The following PRKG1 variants were observed in gnomAD, a reference collection of about 807,000 sequenced individuals.
PRKG1 encodes the protein protein kinase cGMP-dependent 1.
Under a neutral mutation model 88.1 loss-of-function variants are expected in PRKG1, and 35 were observed. The observed-to-expected ratio is 0.40, with a 90% CI of 0.30 to 0.53. The LOEUF (loss-of-function observed/expected upper bound fraction) is 0.53, where lower values mean the gene tolerates loss of function less well. Among genes scored for constraint, PRKG1 ranks in the 20% least tolerant of loss-of-function variants. The probability of loss-of-function intolerance (pLI) is 0.59; values close to 1 mark genes in which losing one functional copy is unlikely to be tolerated. For synonymous variants in PRKG1, 303 were observed against 292.5 expected, an observed-to-expected ratio of 1.04 and a Z score of -0.37; for missense variants, 540 against 839.8, an observed-to-expected ratio of 0.64 and a Z score of 4.41.
At chr10:51,406,652 G>C (rs1205152151) in intron 2 of PRKG1, among the ~76,000 whole-genome samples, 1 of 144,088 alleles carries the variant, frequency 6.9e-6, no homozygotes, top group African/African-American at 2.6e-5. Flanking sequence ...AGACCCTTCT[G>C]TTTTTATATA....
intron 7 of PRKG1, among the ~76,000 whole-genome samples, chr10:52,119,672 T>A (rs1301943272): frequency 1.3e-5 from 2 of 152,214 alleles, no homozygotes; most frequent in East Asian, 3.8e-4. Context: ...CTTTACTCTC[T>A]AAAGTACTCA....
chr10:51,429,963 ATAGTTATAAACTTCATAAAT>A (rs1838710440), intron 2 of PRKG1, among the ~76,000 whole-genome samples: 2 of 152,240 alleles, frequency 1.3e-5, no homozygotes, highest in African/African-American at 2.4e-5. Context: ...TTTGAACTAA[ATAGTTATAAACTTCATAAAT>A]TAGATAAAAG....
intron 3 of PRKG1, among the ~76,000 whole-genome samples, chr10:51,667,726 C>A (rs1472199972): frequency 6.6e-6 from 1 of 152,090 alleles, no homozygotes; most frequent in Non-Finnish European, 1.5e-5. Context: ...ATTTATTTGT[C>A]TCTTCTGTAT....
In PRKG1 at chr10:52,017,604, A is replaced by G. The variant is rs1279526762; in HGVS notation, c.763-36880A>G. On this transcript the variant is annotated intron_variant, in intron 5 of 17. Transcript: ENST00000373980. ...AGGGGAAGATAGGAGCAGAAGTAGAATTTGATGGGATATAGATAAAAAGTT... is the reference window on the plus strand; with the variant it reads ...AGGGGAAGATAGGAGCAGAAGTAGAGTTTGATGGGATATAGATAAAAAGTT... Among the ~76,000 whole-genome samples, 5 of 152,122 alleles carry G rather than the reference A, an allele frequency of 3.3e-5. No individual in the cohort carries two copies. The East Asian group carries it at 9.6e-4, about 29-fold the overall frequency.
chr10:51,680,607 G>A (rs928527431), intron 3 of PRKG1, among the ~76,000 whole-genome samples: 4 of 152,162 alleles, frequency 2.6e-5, no homozygotes, highest in Admixed American at 1.3e-4. Flanking sequence ...TTCAAAACTC[G>A]GTTCTGTTTC....
chr10:52,184,385 T>C (rs140905975), intron 9 of PRKG1, among the ~76,000 whole-genome samples: 2,019 of 152,292 alleles, frequency 0.013, 49 homozygotes, highest in African/African-American at 0.046. Flanking sequence ...TATCATGATA[T>C]ATTATTTAAT....
At chr10:51,808,880 G>T (rs1258063182) in intron 4 of PRKG1, among the ~76,000 whole-genome samples, 1 of 152,124 alleles carries the variant, frequency 6.6e-6, no homozygotes, top group Admixed American at 6.6e-5. Context: ...TTCGGTAGGG[G>T]TCTCTGTTGT....
At chr10:51,404,422 T>C (rs1287617763) in intron 2 of PRKG1, among the ~76,000 whole-genome samples, 1 of 152,208 alleles carries the variant, frequency 6.6e-6, no homozygotes, top group Non-Finnish European at 1.5e-5. Flanking sequence ...ACTGCCAGTG[T>C]CAGAAAACAA....
intron 1 of PRKG1, among the ~76,000 whole-genome samples, chr10:51,060,058 A>G (rs1297328603): frequency 6.6e-6 from 1 of 152,072 alleles, no homozygotes; most frequent in East Asian, 1.9e-4. Flanking sequence ...TATTATTAAG[A>G]GATATCCCTT....
At chr10:51,402,043 CTT>C (rs1362468721) in intron 2 of PRKG1, among the ~76,000 whole-genome samples, 1 of 152,132 alleles carries the variant, frequency 6.6e-6, no homozygotes, top group Non-Finnish European at 1.5e-5. Context: ...GAGGTCCACT[CTT>C]TTTCTAAACT....
At chr10:52,067,672 T>C (rs529583731) in intron 7 of PRKG1, among the ~76,000 whole-genome samples, 1 of 152,262 alleles carries the variant, frequency 6.6e-6, no homozygotes, top group African/African-American at 2.4e-5. Context: ...TCTTTCACTT[T>C]AGTTGACATA....
At chr10:52,149,760 C>T (rs996549594) in intron 8 of PRKG1, among the ~76,000 whole-genome samples, 8 of 152,224 alleles carry the variant, frequency 5.3e-5, no homozygotes, top group African/African-American at 1.7e-4. Flanking sequence ...GTTATGGCAG[C>T]CTCAGGGGAC....
At chr10:51,487,023 A>C (rs1049840246) in intron 3 of PRKG1, among the ~76,000 whole-genome samples, 6 of 152,058 alleles carry the variant, frequency 3.9e-5, no homozygotes, top group Non-Finnish European at 8.8e-5. Context: ...AGGGTATTAA[A>C]GAGCATTTGC....
chr10:51,324,014 C>G (rs1841520249), intron 2 of PRKG1, among the ~76,000 whole-genome samples: 1 of 152,174 alleles, frequency 6.6e-6, no homozygotes, highest in African/African-American at 2.4e-5. Flanking sequence ...GCATGTGATA[C>G]TTTGATACAT....
intron 9 of PRKG1, among the ~76,000 whole-genome samples, chr10:52,239,803 G>T (rs1840811254): frequency 6.6e-6 from 1 of 152,084 alleles, no homozygotes; most frequent in African/African-American, 2.4e-5. Flanking sequence ...TATGCTCAGA[G>T]AAGCAATTAT....
Position 51,138,684 on chromosome 10 carries a change from T to TG in PRKG1, c.312-14480_312-14479insG, listed in dbSNP as rs200749767. Among the ~76,000 whole-genome samples, 291 of 128,094 alleles carry TG rather than the reference T, an allele frequency of 2.3e-3. 1 individual carries two copies. The highest frequency in any genetic ancestry group is 3.7e-3 in the Middle Eastern group (1 of 268). 84.0% of individuals were successfully genotyped at this position (128,094 alleles called of 152,430 possible). On this transcript the variant is annotated intron_variant, in intron 1 of 17. Transcript: ENST00000373980. ...TTGGACATTGAGTTTTGTTTTTTTT[T>TG]TTTTTTTTTTTTTTTTTGAGACAGA... is the stretch of plus-strand genomic sequence containing the variant.
chr10:52,039,134 G>C (rs1455841649), intron 5 of PRKG1, among the ~76,000 whole-genome samples: 1 of 152,198 alleles, frequency 6.6e-6, no homozygotes, highest in East Asian at 1.9e-4. Flanking sequence ...CGTGTGAAGA[G>C]ACCACCAAAC....
intron 5 of PRKG1, among the ~76,000 whole-genome samples, chr10:51,948,054 G>A (rs928654731): frequency 6.6e-6 from 1 of 151,812 alleles, no homozygotes; most frequent in African/African-American, 2.4e-5. Context: ...TTTTATAAAT[G>A]GTATTTATTT....
intron 4 of PRKG1, among the ~76,000 whole-genome samples, chr10:51,858,421 A>ATAATATATATATT (rs1554849497): frequency 3.9e-4 from 19 of 48,286 alleles, no homozygotes; most frequent in Non-Finnish European, 6.6e-4. Flanking sequence ...ATATATATAT[A>ATAATATATATATT]ATATATATAT....
Sources: gnomAD v4.1 joint callset for allele counts (sites outside exome capture counted in the v4.1 genomes callset) on GRCh38, gnomAD v4.1.1 for gene constraint, MANE v1.5 for transcripts, NCBI Gene and HGNC (gene_info 2026-07-23, HGNC 2026-07-21) for gene names.